The following RBFOX1 variants were observed in gnomAD, a reference collection of about 807,000 sequenced individuals.
RBFOX1 encodes RNA binding protein fox-1 homolog 1.
Under a neutral mutation model 57.7 loss-of-function variants are expected in RBFOX1, and 8 were observed. That is an observed-to-expected ratio of 0.14 (90% CI 0.08 to 0.25). RBFOX1 has a LOEUF of 0.25. Ranked by LOEUF, RBFOX1 falls within the 10% of genes least tolerant of loss-of-function variation. RBFOX1 has a pLI of 1.00. For synonymous variants in RBFOX1, 326 were observed against 222.4 expected (o/e 1.47, Z -4.15); for missense variants, 611 against 548.5 (o/e 1.11, Z -1.14).
chr16:6,784,755 G>T (rs1009466730), intron 3 of RBFOX1, among the ~76,000 whole-genome samples: 1 of 151,934 alleles, frequency 6.6e-6, no homozygotes, highest in African/African-American at 2.4e-5. Context: ...GTGTTCCTGT[G>T]GTCGGGGGTT....
chr16:6,718,378 C>A (rs979412112), intron 3 of RBFOX1, among the ~76,000 whole-genome samples: 3 of 152,090 alleles, frequency 2.0e-5, no homozygotes, highest in Admixed American at 6.5e-5. Context: ...GGAAGTAACT[C>A]TAGCTGAAAA....
intron 1 of RBFOX1, among the ~76,000 whole-genome samples, chr16:5,242,199 A>G (rs773995434): frequency 6.6e-6 from 1 of 152,194 alleles, no homozygotes; most frequent in Non-Finnish European, 1.5e-5. Flanking sequence ...GGAGGCTAAA[A>G]GGATGATATA....
intron 3 of RBFOX1, among the ~76,000 whole-genome samples, chr16:6,934,963 C>T (rs893889983): frequency 6.6e-6 from 1 of 152,042 alleles, no homozygotes; most frequent in African/African-American, 2.4e-5. Context: ...TGGCATTTGC[C>T]TGTGGTTCCA....
At chr16:6,757,201 T>G (rs1352128105) in intron 3 of RBFOX1, among the ~76,000 whole-genome samples, 3 of 152,092 alleles carry the variant, frequency 2.0e-5, no homozygotes, top group African/African-American at 4.8e-5. Context: ...TTGGTTGGAA[T>G]GAAAATTGGC....
intron 4 of RBFOX1, among the ~76,000 whole-genome samples, chr16:6,012,946 G>A (rs1206438245): frequency 6.6e-6 from 1 of 152,206 alleles, no homozygotes. Flanking sequence ...ACCTATGACA[G>A]TTCCTGAAGC....
chr16:5,293,703 C>G (rs2063590144), intron 1 of RBFOX1, among the ~76,000 whole-genome samples: 1 of 144,706 alleles, frequency 6.9e-6, no homozygotes, highest in South Asian at 2.1e-4. Flanking sequence ...CCAGAATAGG[C>G]AAATCTATAG....
At chr16:7,182,869 A>T (rs779219704) in intron 4 of RBFOX1, among the ~76,000 whole-genome samples, 1 of 152,216 alleles carries the variant, frequency 6.6e-6, no homozygotes, top group Middle Eastern at 3.4e-3. Flanking sequence ...CTCAACTTCT[A>T]TGTCTTCCAA....
At chr16:6,077,526 A>T (rs1040423341) in intron 1 of RBFOX1, among the ~76,000 whole-genome samples, 3 of 152,078 alleles carry the variant, frequency 2.0e-5, no homozygotes, top group Admixed American at 2.0e-4. Context: ...CGTGCTCTCT[A>T]GCCTCCTTCC....
intron 4 of RBFOX1, among the ~76,000 whole-genome samples, chr16:5,906,551 G>A (rs757504176): frequency 3.9e-5 from 6 of 151,998 alleles, no homozygotes; most frequent in African/African-American, 9.7e-5. Context: ...CTCCCTGTCT[G>A]CAGGACTTTA....
At chr16:5,719,930 C>T (rs999954192) in intron 3 of RBFOX1, among the ~76,000 whole-genome samples, 1 of 152,156 alleles carries the variant, frequency 6.6e-6, no homozygotes, top group Non-Finnish European at 1.5e-5. Flanking sequence ...AGAAGTTCAG[C>T]TGCTAGGAGG....
At chr16:7,565,681 C>G (rs1469642111) in intron 5 of RBFOX1, among the ~76,000 whole-genome samples, 1 of 152,208 alleles carries the variant, frequency 6.6e-6, no homozygotes, top group Non-Finnish European at 1.5e-5. Flanking sequence ...TCAACTTAAT[C>G]AAATAATGCC....
intron 2 of RBFOX1, among the ~76,000 whole-genome samples, chr16:6,417,589 C>T (rs533839300): frequency 9.6e-5 from 14 of 146,184 alleles, no homozygotes; most frequent in African/African-American, 3.8e-4. Context: ...GGGGTTTCAC[C>T]ATGTTGTCCA....
chr16:7,587,364 G>A, intron 7 of RBFOX1, 64 bp downstream of exon 7: 2 of 1,417,620 alleles, frequency 1.4e-6, no homozygotes, highest in Non-Finnish European at 1.9e-6. Context: ...ATGAATAAGG[G>A]GAAACAACTG....
intron 4 of RBFOX1, among the ~76,000 whole-genome samples, chr16:7,184,719 A>C (rs1027415987): frequency 9.2e-5 from 14 of 152,178 alleles, no homozygotes; most frequent in African/African-American, 3.4e-4. Context: ...TTCTCTAAAA[A>C]TTTGGGGCAA....
intron 4 of RBFOX1, among the ~76,000 whole-genome samples, chr16:5,978,816 C>T (rs532666736): frequency 3.9e-5 from 6 of 152,094 alleles, no homozygotes; most frequent in Admixed American, 2.6e-4. Flanking sequence ...TGGGGAACAA[C>T]ACTGCAGAAG....
chr16:6,487,690 AAAAAAAAAAAATATATATATATAT>A (rs2095524717), intron 2 of RBFOX1, among the ~76,000 whole-genome samples: 6 of 11,150 alleles, frequency 5.4e-4, no homozygotes, highest in Non-Finnish European at 1.1e-3. Flanking sequence ...AAAAAAAAAA[AAAAAAAAAAAATATATATATATAT>A]ATATATATAT....
At chr16:7,709,745 T>A (rs1337886949) in intron 15 of RBFOX1, 1 of 240,718 alleles carries the variant, frequency 4.2e-6, no homozygotes, top group African/African-American at 4.4e-5. Context: ...GGTTTTTGTT[T>A]TGGGAGGGGG....
intron 4 of RBFOX1, among the ~76,000 whole-genome samples, chr16:7,085,091 C>G (rs752294827): frequency 2.9e-4 from 42 of 142,972 alleles, no homozygotes; most frequent in Non-Finnish European, 5.0e-4. Flanking sequence ...AACGCCGTAT[C>G]TAAAGTTGTG....
At chr16:7,619,011 T>C (rs2141931401) in intron 10 of RBFOX1, among the ~76,000 whole-genome samples, 1 of 152,358 alleles carries the variant, frequency 6.6e-6, no homozygotes, top group South Asian at 2.1e-4. Context: ...CTAATGAGTT[T>C]TTCATTAAAC....
Sources: gnomAD v4.1 joint callset for allele counts (sites outside exome capture counted in the v4.1 genomes callset) on GRCh38, gnomAD v4.1.1 for gene constraint, MANE v1.5 for transcripts, NCBI Gene and HGNC (gene_info 2026-07-23, HGNC 2026-07-21) for gene names.